The following FAM110C variants were observed in gnomAD, a reference collection of about 807,000 sequenced individuals.
FAM110C encodes the protein protein FAM110C.
FAM110C carries 19 observed loss-of-function variants against 15.7 expected under a neutral mutation model. The observed-to-expected ratio is 1.21, with a 90% CI of 0.85 to 1.78. The LOEUF is 1.78. Ranked by LOEUF, FAM110C falls within the 40% of genes most tolerant of loss-of-function variation. The pLI is 0.00. For synonymous variants in FAM110C, 275 were observed against 233.9 expected, an observed-to-expected ratio of 1.18 and a Z score of -1.61; for missense variants, 547 against 495.7, an observed-to-expected ratio of 1.10 and a Z score of -0.98.
chr2:43,293 C>A, intron 1 of FAM110C: 1 of 985,336 alleles, frequency 1.0e-6, no homozygotes, highest in Non-Finnish European at 1.2e-6. Context: ...TGGGACTGTA[C>A]CCCTGCTCTG....
Position 46,355 on chromosome 2 carries a change from GGGGCGCGCTCAGGGCCGCCA to G in FAM110C, c.11_30del (p.Leu4ProfsTer122), listed in dbSNP as rs1320669375. 3.1e-6 allele frequency: 4 copies of G among 1,305,384 alleles called. No homozygotes were observed. The highest frequency in any genetic ancestry group is 1.5e-5 in the African/African-American group (1 of 64,636). The allele number at this position is 1,305,384 out of a possible 1,614,324, so 80.9% of individuals were successfully genotyped here. On this transcript the variant is annotated frameshift_variant, in exon 1 of 2. Coordinates refer to ENST00000327669, the MANE Select transcript of FAM110C (RefSeq NM_001077710.3). LOFTEE classifies it high-confidence loss of function. ...TCCCGGGGAAGGAGCCGCTCGTTCGGGGGCGCGCTCAGGGCCGCCAGGGCGCGCATCTTCGCGGGGAATGG... is the reference window on the plus strand; with the variant it reads ...TCCCGGGGAAGGAGCCGCTCGTTCGGGGGCGCGCATCTTCGCGGGGAATGG...
At chr2:43,158 T>A in intron 1 of FAM110C, 7 of 985,456 alleles carry the variant, frequency 7.1e-6, no homozygotes, top group Non-Finnish European at 7.2e-6. Flanking sequence ...AGCCGGGCAG[T>A]AAGTCTCTGC....
At chr2:44,443 A>T in intron 1 of FAM110C, 1 of 985,450 alleles carries the variant, frequency 1.0e-6, no homozygotes, top group Non-Finnish European at 1.2e-6. Flanking sequence ...ATGCATCTTC[A>T]CTTAGTTTAT....
intron 1 of FAM110C, 75 bp downstream of exon 1, chr2:45,365 C>CA: frequency 6.6e-7 from 1 of 1,515,298 alleles, no homozygotes; most frequent in Non-Finnish European, 8.8e-7. Flanking sequence ...TGGCCATCGC[C>CA]CAGCTCGGTC....
At chr2:43,334 T>C (rs892107935) in intron 1 of FAM110C, 1 of 985,218 alleles carries the variant, frequency 1.0e-6, no homozygotes, top group African/African-American at 1.7e-5. Flanking sequence ...CAGAAGACAG[T>C]TGCCATTGTC....
Position 45,512 on chromosome 2 carries a change from G to C in FAM110C, c.874C>G (p.Arg292Gly). The C allele has an allele frequency of 6.2e-7, 1 of 1,614,116 alleles. No individual in the cohort carries two copies. Among genetic ancestry groups the C allele is most frequent in the Non-Finnish European group, 8.5e-7 (1 of 1,180,018 alleles). The change falls in exon 1 of 2, where the codon CGC becomes GGC. Residue 292 changes from arginine (R) to glycine (G), a missense_variant. Transcript: ENST00000327669. ...CAGGTGTACAGCCACTTGATGATGC[G>C]GGCGTTCCTCTCGATGACCGAAGTG... Reference protein sequence around the residue: ...STTSVIERNARIIKWLYTCKK... With the variant: ...STTSVIERNAGIIKWLYTCKK...
At position 46,059 on chromosome 2, in the gene FAM110C, G is replaced by C. The variant is rs1406719120; in HGVS notation, c.327C>G (p.Phe109Leu). 1 of 1,528,542 alleles carries C rather than the reference G, an allele frequency of 6.5e-7. No homozygotes were observed. Among genetic ancestry groups the C allele is most frequent in the South Asian group, 1.2e-5 (1 of 82,954 alleles). The allele number at this position is 1,528,542 out of a possible 1,614,324, so 94.7% of individuals were successfully genotyped here. A position where few individuals can be genotyped will look rare whatever the true frequency, so the allele number is the denominator to read the frequency against. The change falls in exon 1 of 2, where the codon TTC (phenylalanine) becomes TTG (leucine). Residue 109 changes from phenylalanine to leucine, a missense_variant. Physicochemically the swap from Phe to Leu is conservative, Grantham distance 22. Transcript: ENST00000327669. ...GGCCGTCGGCGCCCGATCCTCGCACGAATTCGCATTTCTGCCGGTAGATGA... is the reference window on the plus strand; with the variant it reads ...GGCCGTCGGCGCCCGATCCTCGCACCAATTCGCATTTCTGCCGGTAGATGA... ...SLIIYRQKCEFVRGSGADGPR... is the reference protein window; with the variant it reads ...SLIIYRQKCELVRGSGADGPR...
At position 39,552 on chromosome 2, in the gene FAM110C, C is replaced by T. The variant is rs557687728; in HGVS notation, c.*2056G>A. The T allele has an allele frequency of 6.6e-6, 1 of 152,174 alleles. No individual in the cohort carries two copies. Among genetic ancestry groups the T allele is most frequent in the Non-Finnish European group, 1.5e-5 (1 of 68,036 alleles). 9.4% of individuals were successfully genotyped at this position (152,174 alleles called of 1,614,324 possible). A position where few individuals can be genotyped will look rare whatever the true frequency, so the allele number is the denominator to read the frequency against. Reference sequence around the variant, plus strand: ...CCACCCAGTTCCCCTGTTCTTCATGCCCCGTTTCTGATATCTACTTCTAGA... The same window carrying T: ...CCACCCAGTTCCCCTGTTCTTCATGTCCCGTTTCTGATATCTACTTCTAGA... On this transcript the variant is annotated 3_prime_UTR_variant, in exon 2 of 2. Transcript: ENST00000327669.
Position 45,384 on chromosome 2 carries a change from C to A in FAM110C, c.946+56G>T, listed in dbSNP as rs1042353338. ...CATCGCCCAGCTCGGTCACACTCAC[C>A]AAGATTCACAGCCCCGCACACGGCC... On this transcript the variant is annotated intron_variant, in intron 1 of 1. Transcript: ENST00000327669. The A allele has an allele frequency of 1.9e-6, 3 of 1,546,696 alleles. No homozygotes were observed. In the African/African-American group the frequency reaches 4.1e-5, roughly 21 times the overall value.
chr2:41,862 T>C, intron 1 of FAM110C: 2 of 985,426 alleles, frequency 2.0e-6, no homozygotes, highest in Non-Finnish European at 2.4e-6. Flanking sequence ...GCAGGCCTTT[T>C]TCTGCGCTTT....
rs1664270189 is a variant in FAM110C at position 45,801 on chromosome 2, C to A, written c.585G>T (p.Arg195=). 2.6e-6 allele frequency: 4 copies of A among 1,552,398 alleles called. No individual in the cohort carries two copies. The highest frequency in any genetic ancestry group is 3.5e-6 in the Non-Finnish European group (4 of 1,152,216). Residue 195 remains arginine (R), a synonymous_variant, in exon 1 of 2, where the codon CGG becomes CGT. Transcript: ENST00000327669. The stretch of plus-strand genomic sequence containing the variant: ...GGTCCGACTGTGAGCGCTGCAGCCC[C>A]CGACGCCTCACCACCCGCGGCTCTG... ...PGPEPRVVRR[R]GLQRSQSDLS...
At chr2:42,602 T>A (rs183305738) in intron 1 of FAM110C, among the ~76,000 whole-genome samples, 1 of 152,332 alleles carries the variant, frequency 6.6e-6, no homozygotes, top group Admixed American at 6.5e-5. Flanking sequence ...CCAGAGGACT[T>A]GTGTGCGGAT....
In FAM110C at chr2:46,444, A is replaced by G; in HGVS notation, c.-59T>C. The G allele has an allele frequency of 1.6e-6, 2 of 1,215,656 alleles. No homozygotes were observed. Among genetic ancestry groups the G allele is most frequent in the African/African-American group, 1.6e-5 (1 of 63,510 alleles). 75.3% of individuals were successfully genotyped at this position (1,215,656 alleles called of 1,614,324 possible). ...TCCAGCGGAGACGCGCTCGAGTGGT[A>G]GAGCCAGTCAGTCCCAGGGCCGGTT... is the stretch of plus-strand genomic sequence containing the variant. On this transcript the variant is annotated 5_prime_UTR_variant, in exon 1 of 2. Transcript: ENST00000327669.
rs1291721692 is a variant in FAM110C at position 43,368 on chromosome 2, C to A, written c.947-1741G>T. ...TCTCCAGTCTGGAACAAACGGGATTCAGGTGGAGGGAGACATGAGGGGAGG... is the reference window on the plus strand; with the variant it reads ...TCTCCAGTCTGGAACAAACGGGATTAAGGTGGAGGGAGACATGAGGGGAGG... On this transcript the variant is annotated intron_variant, in intron 1 of 1. Coordinates refer to ENST00000327669, the MANE Select transcript of FAM110C (RefSeq NM_001077710.3). 5 of 985,382 alleles carry A rather than the reference C, an allele frequency of 5.1e-6. No homozygotes were observed. In the South Asian group the frequency reaches 2.3e-4, roughly 46 times the overall value. 61.0% of individuals were successfully genotyped at this position (985,382 alleles called of 1,614,324 possible). A position where few individuals can be genotyped will look rare whatever the true frequency, so the allele number is the denominator to read the frequency against.
At chr2:43,221 T>C (rs1558180936) in intron 1 of FAM110C, 1 of 985,326 alleles carries the variant, frequency 1.0e-6, no homozygotes, top group Non-Finnish European at 1.2e-6. Flanking sequence ...AGTACATTAG[T>C]AAAGAAAATC....
chr2:43,151 C>T lies in FAM110C; in HGVS notation c.947-1524G>A, dbSNP rs917280763. The T allele has an allele frequency of 1.8e-5, 18 of 985,394 alleles. No individual in the cohort carries two copies. In the African/African-American group the frequency reaches 2.1e-4, roughly 11 times the overall value. The allele number at this position is 985,394 out of a possible 1,614,324, so 61.0% of individuals were successfully genotyped here. Reference sequence around the variant, plus strand: ...CCTCATACACCCCACCCCTGGTAGCCGGGCAGTAAGTCTCTGCATTGCAGT... The same window carrying T: ...CCTCATACACCCCACCCCTGGTAGCTGGGCAGTAAGTCTCTGCATTGCAGT... On this transcript the variant is annotated intron_variant, in intron 1 of 1. Coordinates refer to ENST00000327669, the MANE Select transcript of FAM110C (RefSeq NM_001077710.3).
chr2:42,844 A>T (rs1664160919), intron 1 of FAM110C: 2 of 985,354 alleles, frequency 2.0e-6, no homozygotes, highest in African/African-American at 3.5e-5. Context: ...TCTTTCAAGA[A>T]ATCCTAAAAT....
chr2:44,077 C>T (rs1055251781), intron 1 of FAM110C: 1 of 985,316 alleles, frequency 1.0e-6, no homozygotes, highest in Non-Finnish European at 1.2e-6. Flanking sequence ...TCCTGCCCTA[C>T]ACATGGTGCC....
At position 46,208 on chromosome 2, in the gene FAM110C, A is replaced by C. The variant is rs1664300128; in HGVS notation, c.178T>G (p.Ser60Ala). 7.3e-6 allele frequency: 10 copies of C among 1,376,638 alleles called. No individual in the cohort carries two copies. The highest frequency in any genetic ancestry group is 8.4e-6 in the Non-Finnish European group (9 of 1,070,926). The allele number at this position is 1,376,638 out of a possible 1,614,324, so 85.3% of individuals were successfully genotyped here. The change falls in exon 1 of 2, where the codon TCC becomes GCC. Residue 60 changes from serine to alanine, a missense_variant. Coordinates refer to ENST00000327669, the MANE Select transcript of FAM110C (RefSeq NM_001077710.3). Reference protein sequence around the residue: ...GRPGTGRGVASEGSGPGAIKC... With the variant: ...GRPGTGRGVAAEGSGPGAIKC... Reference sequence around the variant, plus strand: ...ATCGCCCCCGGGCCGCTGCCCTCGGAAGCGACGCCCCGGCCAGTCCCCGGC... The same window carrying C: ...ATCGCCCCCGGGCCGCTGCCCTCGGCAGCGACGCCCCGGCCAGTCCCCGGC...
Sources: allele counts gnomAD v4.1 joint callset (sites outside exome capture counted in the v4.1 genomes callset), GRCh38; gene constraint gnomAD v4.1.1; transcripts MANE v1.5; gene names NCBI Gene and HGNC (gene_info 2026-07-23, HGNC 2026-07-21).